Variants in IMMP2L observed in about 807,000 individuals in gnomAD.
IMMP2L encodes the protein mitochondrial inner membrane protease subunit 2.
A neutral mutation model predicts 19.3 loss-of-function variants in IMMP2L; 18 were observed. The observed-to-expected ratio is 0.93, with a 90% confidence interval of 0.64 to 1.38. The LOEUF is 1.38. Ranked by LOEUF, IMMP2L falls within the 40% of genes most tolerant of loss-of-function variation. The probability of loss-of-function intolerance (pLI) is 0.00; values close to 1 mark genes in which losing one functional copy is unlikely to be tolerated. For synonymous variants in IMMP2L, 76 were observed against 73.0 expected, an observed-to-expected ratio of 1.04 and a Z score of -0.21; for missense variants, 233 against 218.2, an observed-to-expected ratio of 1.07 and a Z score of -0.43.
At chr7:111,341,781 G>C (rs781403358) in intron 3 of IMMP2L, among the ~76,000 whole-genome samples, 17 of 152,172 alleles carry the variant, frequency 1.1e-4, no homozygotes, top group Admixed American at 3.9e-4. Context: ...ATGCAACAGG[G>C]TTGAAAGGTG....
At chr7:111,532,256 A>AT (rs1490207561) in intron 1 of IMMP2L, among the ~76,000 whole-genome samples, 1 of 152,034 alleles carries the variant, frequency 6.6e-6, no homozygotes, top group Non-Finnish European at 1.5e-5. Flanking sequence ...GCTACCTCAC[A>AT]TTTTTTCCTA....
intron 5 of IMMP2L, among the ~76,000 whole-genome samples, chr7:110,677,169 C>T (rs1792365012): frequency 6.6e-6 from 1 of 152,078 alleles, no homozygotes; most frequent in Non-Finnish European, 1.5e-5. Context: ...AAAATGATTC[C>T]TTTAATAAAT....
chr7:110,695,233 C>T (rs1415602901), intron 5 of IMMP2L, among the ~76,000 whole-genome samples: 1 of 152,066 alleles, frequency 6.6e-6, no homozygotes, highest in South Asian at 2.1e-4. Context: ...GCTCTGTTGC[C>T]CAGGCTGTAG....
chr7:111,109,574 G>A (rs2129582613), intron 3 of IMMP2L, among the ~76,000 whole-genome samples: 1 of 152,196 alleles, frequency 6.6e-6, no homozygotes, highest in Middle Eastern at 3.4e-3. Context: ...ATGGAGTCAA[G>A]GACCTGGAAT....
At chr7:110,986,927 C>G (rs1821921783) in intron 3 of IMMP2L, among the ~76,000 whole-genome samples, 1 of 151,808 alleles carries the variant, frequency 6.6e-6, no homozygotes, top group Admixed American at 6.6e-5. Context: ...CTTCTTGGGT[C>G]ACCTATTTTC....
At chr7:111,349,971 T>C (rs1827980092) in intron 3 of IMMP2L, among the ~76,000 whole-genome samples, 1 of 134,930 alleles carries the variant, frequency 7.4e-6, no homozygotes, top group Admixed American at 7.2e-5. Context: ...AAGATGGTCC[T>C]TTTTTTTTTT....
Position 111,198,807 on chromosome 7 carries a change from T to C in IMMP2L, c.240-235242A>G, listed in dbSNP as rs1001090597. Among the ~76,000 whole-genome samples, 3 of 152,212 alleles carry C rather than the reference T, an allele frequency of 2.0e-5. No individual in the cohort carries two copies. The South Asian group carries it at 6.2e-4, about 31-fold the overall frequency. ...ATACTTATATCTGGCCTTAGAGTTATAATGCCCTTGTCATATCTTTCTCTT... is the reference window on the plus strand; with the variant it reads ...ATACTTATATCTGGCCTTAGAGTTACAATGCCCTTGTCATATCTTTCTCTT... On this transcript the variant is annotated intron_variant, in intron 3 of 5. Transcript: ENST00000405709.
intron 5 of IMMP2L, among the ~76,000 whole-genome samples, chr7:110,822,525 A>G (rs1803128595): frequency 6.6e-6 from 1 of 151,916 alleles, no homozygotes; most frequent in South Asian, 2.1e-4. Context: ...CCACTAAGAA[A>G]TTTTTCCTTA....
chr7:111,526,511 CTA>C (rs1199946778), intron 1 of IMMP2L, among the ~76,000 whole-genome samples: 1 of 152,140 alleles, frequency 6.6e-6, no homozygotes, highest in Non-Finnish European at 1.5e-5. Flanking sequence ...TAGGAAGTCA[CTA>C]TGATATACAG....
At chr7:110,919,898 C>T (rs1343830447) in intron 4 of IMMP2L, among the ~76,000 whole-genome samples, 3 of 152,080 alleles carry the variant, frequency 2.0e-5, no homozygotes, top group Admixed American at 6.6e-5. Flanking sequence ...CTGGGTACTA[C>T]GTAAATTGCT....
intron 3 of IMMP2L, among the ~76,000 whole-genome samples, chr7:111,210,291 A>G (rs890744133): frequency 3.3e-5 from 5 of 152,200 alleles, no homozygotes; most frequent in Admixed American, 3.3e-4. Context: ...ATCTTTTTTA[A>G]AGAAGATCAC....
chr7:111,111,993 G>A (rs1284757835), intron 3 of IMMP2L, among the ~76,000 whole-genome samples: 1 of 133,366 alleles, frequency 7.5e-6, no homozygotes, highest in Non-Finnish European at 1.5e-5. Flanking sequence ...TGTCTCCCAG[G>A]CTGGAGTGCA....
intron 3 of IMMP2L, among the ~76,000 whole-genome samples, chr7:111,421,559 C>T (rs556155881): frequency 2.6e-5 from 4 of 151,618 alleles, no homozygotes; most frequent in South Asian, 2.1e-4. Context: ...CGTGAGCCAC[C>T]GCGCCCGGCC....
intron 5 of IMMP2L, among the ~76,000 whole-genome samples, chr7:110,779,942 A>G (rs1450589345): frequency 6.6e-6 from 1 of 151,868 alleles, no homozygotes; most frequent in Admixed American, 6.6e-5. Context: ...AGGAAAACAC[A>G]CGTTGGCTAT....
intron 3 of IMMP2L, among the ~76,000 whole-genome samples, chr7:111,023,379 A>G (rs556931092): frequency 6.6e-6 from 1 of 152,150 alleles, no homozygotes; most frequent in Admixed American, 6.6e-5. Context: ...GCGTGGCTCA[A>G]AATGCTCCTT....
chr7:111,090,388 T>TAC (rs749097198), intron 3 of IMMP2L, among the ~76,000 whole-genome samples: 3 of 151,828 alleles, frequency 2.0e-5, no homozygotes, highest in South Asian at 2.1e-4. Context: ...ACATCCTAAA[T>TAC]ACACACACAC....
intron 3 of IMMP2L, among the ~76,000 whole-genome samples, chr7:111,032,428 A>T (rs1790924538): frequency 6.6e-6 from 1 of 152,206 alleles, no homozygotes. Flanking sequence ...ACAGCCTGGG[A>T]GAAAATATTT....
At chr7:111,116,374 C>G (rs749196271) in intron 3 of IMMP2L, among the ~76,000 whole-genome samples, 1 of 152,104 alleles carries the variant, frequency 6.6e-6, no homozygotes, top group Non-Finnish European at 1.5e-5. Flanking sequence ...GTTTGAAAAT[C>G]TCAAAATATC....
intron 3 of IMMP2L, among the ~76,000 whole-genome samples, chr7:111,417,547 G>C (rs1034397333): frequency 6.6e-6 from 1 of 151,736 alleles, no homozygotes; most frequent in Non-Finnish European, 1.5e-5. Flanking sequence ...TGATATGAAG[G>C]TTCGTAGTCA....
Sources: allele counts gnomAD v4.1 joint callset (sites outside exome capture counted in the v4.1 genomes callset), GRCh38; gene constraint gnomAD v4.1.1; transcripts MANE v1.5; gene names NCBI Gene and HGNC (gene_info 2026-07-23, HGNC 2026-07-21).